VPS13B: variants seen among roughly 807,000 people sequenced by gnomAD.
VPS13B encodes vacuolar protein sorting 13 homolog B.
VPS13B carries 285 observed loss-of-function variants against 426.4 expected under a neutral mutation model. That is an observed-to-expected ratio of 0.67 (90% CI 0.61 to 0.74). The LOEUF is 0.74. VPS13B is among the 30% of genes least tolerant of loss of function. The probability of loss-of-function intolerance (pLI) is 0.00; values close to 1 mark genes in which losing one functional copy is unlikely to be tolerated. For missense variants in VPS13B, 4,537 were observed against 4,782.6 expected (o/e 0.95, Z 1.51); for synonymous variants, 1,676 against 1,676.4 (o/e 1.00, Z 0.01).
intron 54 of VPS13B, among the ~76,000 whole-genome samples, chr8:99,844,666 G>A (rs1285858234): frequency 3.3e-5 from 5 of 152,106 alleles, no homozygotes; most frequent in African/African-American, 1.2e-4. Context: ...TACCGCCCCC[G>A]GCCTCAGGCT....
At chr8:99,374,305 C>A (rs1180675592) in intron 19 of VPS13B, among the ~76,000 whole-genome samples, 2 of 151,498 alleles carry the variant, frequency 1.3e-5, no homozygotes, top group Admixed American at 6.6e-5. Flanking sequence ...TGATATATGT[C>A]AGTTTGGGAA....
intron 15 of VPS13B, among the ~76,000 whole-genome samples, chr8:99,161,732 C>CT (rs374438896): frequency 0.19 from 24,368 of 131,010 alleles, 2,807 homozygotes; most frequent in East Asian, 0.38. Flanking sequence ...GTACTAAATC[C>CT]TTTTTTTTTT....
chr8:99,236,183 T>G (rs1240230844), intron 17 of VPS13B, among the ~76,000 whole-genome samples: 1 of 152,170 alleles, frequency 6.6e-6, no homozygotes, highest in African/African-American at 2.4e-5. Context: ...ATCTAAGGTC[T>G]GGAAAACAGT....
intron 19 of VPS13B, among the ~76,000 whole-genome samples, chr8:99,285,481 G>A (rs562207550): frequency 6.6e-6 from 1 of 152,274 alleles, no homozygotes; most frequent in South Asian, 2.1e-4. Flanking sequence ...AAGTATTCGG[G>A]TTGTATACTG....
chr8:99,065,338 G>A (rs1295263526), intron 3 of VPS13B, among the ~76,000 whole-genome samples: 1 of 152,094 alleles, frequency 6.6e-6, no homozygotes. Context: ...TTCATCCCTG[G>A]CATGCAAGGC....
chr8:99,650,813 T>G (rs938411901), intron 34 of VPS13B, among the ~76,000 whole-genome samples: 1 of 152,176 alleles, frequency 6.6e-6, no homozygotes, highest in Non-Finnish European at 1.5e-5. Flanking sequence ...GCCCTCAGTA[T>G]TCATGGGTTC....
In VPS13B at chr8:99,147,966, T is replaced by C; in HGVS notation, c.1969T>C (p.Phe657Leu). 1 of 1,613,820 alleles carries C rather than the reference T, an allele frequency of 6.2e-7. No individual in the cohort carries two copies. The highest frequency in any genetic ancestry group is 8.5e-7 in the Non-Finnish European group (1 of 1,179,864). ...TACCTGCACAATTTCCATGGCTGAA[T>C]TCAACTTGCTGGACCATTTACTACC... ...KCTCTISMAE[F>L]NLLDHLLPVI... The change falls in exon 14 of 62, where the codon TTC becomes CTC. Residue 657 changes from phenylalanine (F) to leucine (L), a missense_variant. Phe to Leu is a conservative substitution (Grantham distance 22). Coordinates refer to ENST00000357162, the MANE Select transcript of VPS13B (RefSeq NM_152564.5).
chr8:99,696,761 G>C, intron 35 of VPS13B: 1 of 1,356,596 alleles, frequency 7.4e-7, no homozygotes, highest in East Asian at 2.3e-5. Context: ...ACCCAGCAAT[G>C]AGGAAATCAT....
In VPS13B at chr8:99,754,548, C is replaced by A. The variant is rs548358764; in HGVS notation, c.7051-12226C>A. On this transcript the variant is annotated intron_variant, in intron 39 of 61. Transcript: ENST00000357162. ...ATGTTCATAATGCTGTCCATTTATC[C>A]CTATCTCTAGATAAGGACTGTCTCT... Among the ~76,000 whole-genome samples the A allele has an allele frequency of 2.6e-5, 4 of 152,216 alleles. No individual in the cohort carries two copies. The South Asian group carries it at 6.2e-4, about 24-fold the overall frequency.
In VPS13B at chr8:99,028,596, C is replaced by T. The variant is rs1159899651; in HGVS notation, c.148-9827C>T. Among the ~76,000 whole-genome samples, 4 of 118,122 alleles carry T rather than the reference C, an allele frequency of 3.4e-5. 1 individual carries two copies. The highest frequency in any genetic ancestry group is 8.0e-5 in the Admixed American group (1 of 12,576). 77.5% of individuals were successfully genotyped at this position (118,122 alleles called of 152,430 possible). A position where few individuals can be genotyped will look rare whatever the true frequency, so the allele number is the denominator to read the frequency against. On this transcript the variant is annotated intron_variant, in intron 2 of 61. Coordinates refer to ENST00000357162, the MANE Select transcript of VPS13B (RefSeq NM_152564.5). ...GCTGACCCCCCTCCCCCCTCCCGGA[C>T]GGGGCAGCTGGCCGGGCGGGGGGCT...
chr8:99,298,274 A>T (rs1366916618), intron 19 of VPS13B, among the ~76,000 whole-genome samples: 2 of 152,282 alleles, frequency 1.3e-5, no homozygotes, highest in East Asian at 3.9e-4. Context: ...GGATCATCTG[A>T]GGTCAGGAGT....
chr8:99,735,622 T>C (rs1369534468), intron 39 of VPS13B, among the ~76,000 whole-genome samples: 1 of 152,120 alleles, frequency 6.6e-6, no homozygotes, highest in Non-Finnish European at 1.5e-5. Context: ...ACTTCTAAAC[T>C]CCAGAACTGC....
intron 14 of VPS13B, among the ~76,000 whole-genome samples, chr8:99,151,016 C>G (rs958817303): frequency 1.3e-5 from 2 of 152,160 alleles, no homozygotes; most frequent in African/African-American, 4.8e-5. Flanking sequence ...AATAAGAGTT[C>G]CTGTTTCTCC....
chr8:99,678,978 G>A (rs975661559), intron 35 of VPS13B, among the ~76,000 whole-genome samples: 4 of 152,044 alleles, frequency 2.6e-5, no homozygotes, highest in African/African-American at 9.7e-5. Flanking sequence ...CTCACCATTG[G>A]CAGTGAGAAT....
chr8:99,419,331 T>C (rs537441560), intron 21 of VPS13B, among the ~76,000 whole-genome samples: 22 of 152,336 alleles, frequency 1.4e-4, no homozygotes, highest in African/African-American at 4.8e-4. Flanking sequence ...CCTGTGGAAC[T>C]GTGAGTCAAT....
chr8:99,243,012 C>G (rs1360886753), intron 17 of VPS13B, among the ~76,000 whole-genome samples: 1 of 152,072 alleles, frequency 6.6e-6, no homozygotes, highest in African/African-American at 2.4e-5. Context: ...TTAGCATTGT[C>G]CCTTAGCCTT....
chr8:99,268,866 C>T (rs1318749155), intron 17 of VPS13B, among the ~76,000 whole-genome samples: 4 of 152,078 alleles, frequency 2.6e-5, no homozygotes, highest in Admixed American at 2.6e-4. Flanking sequence ...AATTGTAGTT[C>T]CCATAATCCT....
At chr8:99,256,790 G>A (rs890782106) in intron 17 of VPS13B, among the ~76,000 whole-genome samples, 10 of 152,022 alleles carry the variant, frequency 6.6e-5, no homozygotes, top group African/African-American at 1.7e-4. Context: ...GGATACCAGC[G>A]TCTCATCAGA....
At chr8:99,017,212 TAGTC>T (rs1226501019) in intron 2 of VPS13B, among the ~76,000 whole-genome samples, 6 of 152,184 alleles carry the variant, frequency 3.9e-5, no homozygotes, top group Admixed American at 1.3e-4. Flanking sequence ...TTTCCATTGA[TAGTC>T]AGTTGATCTA....
Sources: gnomAD v4.1 joint callset for allele counts (sites outside exome capture counted in the v4.1 genomes callset) on GRCh38, gnomAD v4.1.1 for gene constraint, MANE v1.5 for transcripts, NCBI Gene and HGNC (gene_info 2026-07-23, HGNC 2026-07-21) for gene names.